Variants in GFOD1 observed in about 807,000 individuals in gnomAD.
The protein encoded by GFOD1 is Gfo/Idh/MocA-like oxidoreductase domain containing 1, also known as glucose-fructose oxidoreductase domain-containing protein 1.
In GFOD1, 9 loss-of-function variants were observed where a neutral mutation model predicts 25.4. The observed-to-expected ratio is 0.35, with a 90% CI of 0.21 to 0.62. The LOEUF (loss-of-function observed/expected upper bound fraction) is 0.62, where lower values mean the gene tolerates loss of function less well. Among genes scored for constraint, GFOD1 ranks in the 20% least tolerant of loss-of-function variants. The pLI is 0.72. For synonymous variants in GFOD1, 253 were observed against 245.6 expected, an observed-to-expected ratio of 1.03 and a Z score of -0.28; for missense variants, 403 against 556.9, an observed-to-expected ratio of 0.72 and a Z score of 2.78.
At chr6:13,486,576 G>T in intron 1 of GFOD1, 62 bp downstream of exon 1, 10 of 1,376,788 alleles carry the variant, frequency 7.3e-6, no homozygotes, top group Non-Finnish European at 1.0e-5. Context: ...CAGGGGGGAA[G>T]GAACCTAGAG....
At chr6:13,421,694 A>G (rs1374803549) in intron 1 of GFOD1, among the ~76,000 whole-genome samples, 1 of 152,196 alleles carries the variant, frequency 6.6e-6, no homozygotes, top group Non-Finnish European at 1.5e-5. Context: ...GGCAAGTGAA[A>G]AAAAAAACCT....
chr6:13,451,606 G>A (rs1037823948), intron 1 of GFOD1, among the ~76,000 whole-genome samples: 4 of 152,190 alleles, frequency 2.6e-5, no homozygotes, highest in Admixed American at 2.0e-4. Flanking sequence ...CCAGTAGCTT[G>A]GGGGAGAGGG....
rs1179975960 is a variant in GFOD1, at chr6:13,364,661, T to C, written c.*82A>G. The C allele has an allele frequency of 1.7e-6, 2 of 1,176,024 alleles. No homozygotes were observed. Among genetic ancestry groups the C allele is most frequent in the Admixed American group, 2.1e-5 (1 of 48,676 alleles). 72.8% of individuals were successfully genotyped at this position (1,176,024 alleles called of 1,614,324 possible). A position where few individuals can be genotyped will look rare whatever the true frequency, so the allele number is the denominator to read the frequency against. Reference sequence around the variant, plus strand: ...ACCTCCCTGATCCCCACATTCCCCATGGTCACCCTCTCCCCTCGGCCCTTC... The same window carrying C: ...ACCTCCCTGATCCCCACATTCCCCACGGTCACCCTCTCCCCTCGGCCCTTC... On this transcript the variant is annotated 3_prime_UTR_variant, in exon 2 of 2. Coordinates refer to ENST00000379287, the MANE Select transcript of GFOD1 (RefSeq NM_018988.4). The surrounding 1 kb of genome is among the most constrained non-coding windows in gnomAD (Gnocchi z 4.1).
At position 13,487,065 on chromosome 6, in the gene GFOD1, G is replaced by A. The variant is rs570652446; in HGVS notation, c.-175C>T. On this transcript the variant is annotated 5_prime_UTR_variant, in exon 1 of 2. Transcript: ENST00000379287. The surrounding 1 kb of genome is among the most constrained non-coding windows in gnomAD (Gnocchi z 4.9). ...GCCCAGAGCGCACCGAGCTGCAGGC[G>A]GAGCAAGCTCGGGGCGCCTCAGAAC... 2.2e-5 allele frequency: 16 copies of A among 716,504 alleles called. No homozygotes were observed. Among genetic ancestry groups the A allele is most frequent in the Non-Finnish European group, 3.4e-5 (15 of 444,892 alleles). The allele number at this position is 716,504 out of a possible 1,614,324, so 44.4% of individuals were successfully genotyped here.
chr6:13,372,749 G>A (rs1050027248), intron 1 of GFOD1, among the ~76,000 whole-genome samples: 8 of 152,172 alleles, frequency 5.3e-5, no homozygotes, highest in Non-Finnish European at 1.2e-4. Flanking sequence ...TAATCAGCCT[G>A]GAACCTCAAG....
intron 1 of GFOD1, among the ~76,000 whole-genome samples, chr6:13,477,385 G>T (rs911351305): frequency 2.5e-4 from 38 of 152,146 alleles, no homozygotes; most frequent in Non-Finnish European, 5.3e-4. Context: ...GCAGTTTCCA[G>T]TACAAAGGCA....
chr6:13,373,741 A>ACAC (rs1554199339), intron 1 of GFOD1, among the ~76,000 whole-genome samples: 1 of 129,596 alleles, frequency 7.7e-6, no homozygotes. Flanking sequence ...CTGCTCCCCC[A>ACAC]ACACACACAC....
At position 13,370,583 on chromosome 6, in the gene GFOD1, T is replaced by C. The variant is rs142719991; in HGVS notation, c.254-4921A>G. ...AAAGCCCACTCTGAGATCCTCAAGA[T>C]CCTCAGGTTTTTTCTTTTTCCAGCT... On this transcript the variant is annotated intron_variant, in intron 1 of 1. Transcript: ENST00000379287. Among the ~76,000 whole-genome samples the C allele has an allele frequency of 1.7e-3, 258 of 152,244 alleles. 2 individuals are homozygous for C. Among genetic ancestry groups the C allele is most frequent in the South Asian group, 2.1e-3 (10 of 4,810 alleles).
chr6:13,409,572 C>T (rs1215820908), intron 1 of GFOD1, among the ~76,000 whole-genome samples: 2 of 152,106 alleles, frequency 1.3e-5, no homozygotes, highest in African/African-American at 4.8e-5. Context: ...GGGAGTATAA[C>T]ACATAGTTTA....
chr6:13,442,344 C>A (rs963243429), intron 1 of GFOD1, among the ~76,000 whole-genome samples: 1 of 152,190 alleles, frequency 6.6e-6, no homozygotes, highest in East Asian at 1.9e-4. Flanking sequence ...TCTATCAGCA[C>A]CATCTTTCCA....
chr6:13,469,894 C>T (rs141141602), intron 1 of GFOD1: 201 of 1,280,930 alleles, frequency 1.6e-4, no homozygotes, highest in Non-Finnish European at 1.9e-4. Flanking sequence ...AAATCTGGCA[C>T]ATGGTAAGTA....
At chr6:13,393,563 CAG>C (rs1785660464) in intron 1 of GFOD1, among the ~76,000 whole-genome samples, 1 of 151,936 alleles carries the variant, frequency 6.6e-6, no homozygotes, top group African/African-American at 2.4e-5. Flanking sequence ...TTCCTGAAAA[CAG>C]AGTCTCCTCC....
rs1784929002 is a variant in GFOD1 at position 13,360,400 on chromosome 6, G to A, written c.*4343C>T. 1 of 327,512 alleles carries A rather than the reference G, an allele frequency of 3.1e-6. No homozygotes were observed. The highest frequency in any genetic ancestry group is 4.3e-5 in the Admixed American group (1 of 23,274). 20.3% of individuals were successfully genotyped at this position (327,512 alleles called of 1,614,324 possible). A position where few individuals can be genotyped will look rare whatever the true frequency, so the allele number is the denominator to read the frequency against. ...GCTATGAGACAAGATGAAGAGAGTA[G>A]GGGTGCAAAGAAAGGTGCAGTGCAC... is the stretch of plus-strand genomic sequence containing the variant. On this transcript the variant is annotated 3_prime_UTR_variant, in exon 2 of 2. Coordinates refer to ENST00000379287, the MANE Select transcript of GFOD1 (RefSeq NM_018988.4).
chr6:13,458,521 G>A (rs775853277), intron 1 of GFOD1, among the ~76,000 whole-genome samples: 2 of 151,946 alleles, frequency 1.3e-5, no homozygotes, highest in Non-Finnish European at 2.9e-5. Context: ...CATGGTGGAG[G>A]AGGCACACTG....
Position 13,470,395 on chromosome 6 carries a change from G to C in GFOD1, c.253+16243C>G, listed in dbSNP as rs1316219101. 1.9e-6 allele frequency: 3 copies of C among 1,549,472 alleles called. No individual in the cohort carries two copies. The South Asian group carries it at 3.6e-5, about 18-fold the overall frequency. On this transcript the variant is annotated intron_variant, in intron 1 of 1. Coordinates refer to ENST00000379287, the MANE Select transcript of GFOD1 (RefSeq NM_018988.4). ...CCCGTGGGCCTCCAGGGAAAGCCAG[G>C]CTGCCTCTGTGCCCTGGATGTGAAC... is the stretch of plus-strand genomic sequence containing the variant.
At chr6:13,465,748 G>C in intron 1 of GFOD1, among the ~76,000 whole-genome samples, 1 of 152,128 alleles carries the variant, frequency 6.6e-6, no homozygotes, top group Non-Finnish European at 1.5e-5. Flanking sequence ...AGGGACCCCT[G>C]TTAAGGTCAT....
chr6:13,395,135 C>T (rs1324027795), intron 1 of GFOD1, among the ~76,000 whole-genome samples: 1 of 152,142 alleles, frequency 6.6e-6, no homozygotes, highest in East Asian at 1.9e-4. Flanking sequence ...GTTGCCCAGG[C>T]TTCTTTTAAT....
intron 1 of GFOD1, chr6:13,407,942 A>G (rs1785977936): frequency 2.0e-6 from 2 of 985,194 alleles, no homozygotes; most frequent in African/African-American, 1.7e-5. Context: ...TTGCCCAACC[A>G]AAGAGCAGAA....
intron 1 of GFOD1, among the ~76,000 whole-genome samples, chr6:13,386,254 A>G (rs1785472326): frequency 6.6e-6 from 1 of 151,954 alleles, no homozygotes; most frequent in Admixed American, 6.6e-5. Context: ...GTATTTCCAG[A>G]TCCTAAAGGA....
Sources: allele counts gnomAD v4.1 joint callset (sites outside exome capture counted in the v4.1 genomes callset), GRCh38; gene constraint gnomAD v4.1.1; non-coding constraint Gnocchi (gnomAD v3.1); transcripts MANE v1.5; gene names NCBI Gene and HGNC (gene_info 2026-07-23, HGNC 2026-07-21).